The following GPHN variants were observed in gnomAD, a reference collection of about 807,000 sequenced individuals.
The protein encoded by GPHN is gephyrin.
GPHN carries 17 observed loss-of-function variants against 95.5 expected under a neutral mutation model. The observed-to-expected ratio is 0.18, with a 90% CI of 0.12 to 0.27. The LOEUF is 0.27. Ranked by LOEUF, GPHN falls within the 10% of genes least tolerant of loss-of-function variation. The pLI is 1.00. For missense variants in GPHN, 660 were observed against 978.1 expected (o/e 0.67, Z 4.34); for synonymous variants, 320 against 322.5 (o/e 0.99, Z 0.08).
the GPHN span, chr14:67,360,230 C>T: frequency 5.0e-6 from 2 of 400,094 alleles, no homozygotes; most frequent in African/African-American, 2.1e-5. Context: ...CTTCCATGAT[C>T]TACATTCGTC....
chr14:67,049,254 G>A (rs1235092871), intron 10 of GPHN, among the ~76,000 whole-genome samples: 4 of 147,090 alleles, frequency 2.7e-5, no homozygotes, highest in Non-Finnish European at 6.2e-5. Flanking sequence ...TTGAGAGAGA[G>A]TCTCACCGTG....
the GPHN span, chr14:67,224,838 G>C: frequency 3.3e-6 from 1 of 298,638 alleles, no homozygotes; most frequent in Non-Finnish European, 6.2e-6. Context: ...ATCCTAAGCA[G>C]CCAGGTTCAT....
intron 1 of GPHN, among the ~76,000 whole-genome samples, chr14:66,631,030 C>T (rs1331821174): frequency 6.6e-6 from 1 of 151,404 alleles, no homozygotes; most frequent in East Asian, 1.9e-4. Flanking sequence ...TAATTGCAGT[C>T]GTTCTTTTTT....
chr14:67,705,618 G>A, the GPHN span, among the ~76,000 whole-genome samples: 14 of 152,180 alleles, frequency 9.2e-5, no homozygotes, highest in Non-Finnish European at 1.6e-4. Context: ...AAAGCCATTA[G>A]TTTAGTTAGT....
chr14:67,723,352 G>C, the GPHN span, among the ~76,000 whole-genome samples: 1 of 152,154 alleles, frequency 6.6e-6, no homozygotes, highest in Non-Finnish European at 1.5e-5. Context: ...TCCTGCCTCA[G>C]CCTCCCAAGT....
the GPHN span, chr14:67,390,866 A>T: frequency 7.7e-6 from 6 of 775,040 alleles, no homozygotes; most frequent in Admixed American, 1.7e-5. Flanking sequence ...ACTACATTCT[A>T]AAACCAGTCC....
chr14:67,391,480 T>C, the GPHN span, among the ~76,000 whole-genome samples: 9 of 152,088 alleles, frequency 5.9e-5, no homozygotes, highest in African/African-American at 2.2e-4. Flanking sequence ...GGCCTTGGTG[T>C]AGACAGGCAG....
At chr14:66,961,160 G>C (rs2153584815) in intron 8 of GPHN, among the ~76,000 whole-genome samples, 1 of 152,156 alleles carries the variant, frequency 6.6e-6, no homozygotes, top group Admixed American at 6.6e-5. Flanking sequence ...TATTGGAAAT[G>C]TGGACTGTTG....
chr14:67,596,112 C>CT, the GPHN span, among the ~76,000 whole-genome samples: 3 of 151,734 alleles, frequency 2.0e-5, no homozygotes, highest in South Asian at 2.1e-4. Context: ...ATTGTTTTAT[C>CT]TTTTTTCCCA....
the GPHN span, among the ~76,000 whole-genome samples, chr14:67,233,041 T>A: frequency 7.7e-4 from 117 of 152,284 alleles, no homozygotes; most frequent in African/African-American, 2.8e-3. Flanking sequence ...AAGAAAACAG[T>A]ATCTATTTTC....
the GPHN span, among the ~76,000 whole-genome samples, chr14:67,457,561 GCAC>G: frequency 6.6e-6 from 1 of 152,224 alleles, no homozygotes; most frequent in Non-Finnish European, 1.5e-5. Context: ...AGCTAGGATG[GCAC>G]CACTGCACTC....
chr14:66,890,410 CAAAAAAA>C (rs781415190), intron 5 of GPHN, among the ~76,000 whole-genome samples: 3 of 80,020 alleles, frequency 3.7e-5, no homozygotes, highest in Non-Finnish European at 9.3e-5. Flanking sequence ...GACCCTGTCT[CAAAAAAA>C]AAAAAAAAAA....
chr14:67,126,978 C>G (rs1158242878), intron 17 of GPHN, among the ~76,000 whole-genome samples: 2 of 151,840 alleles, frequency 1.3e-5, no homozygotes, highest in African/African-American at 4.8e-5. Flanking sequence ...TGATCATTCT[C>G]AGTAAACTAT....
chr14:67,254,876 C>T, the GPHN span, among the ~76,000 whole-genome samples: 1 of 152,172 alleles, frequency 6.6e-6, no homozygotes, highest in Non-Finnish European at 1.5e-5. Flanking sequence ...TCTGGCCGGG[C>T]GCAGTGGCTC....
At chr14:67,623,091 C>T in the GPHN span, among the ~76,000 whole-genome samples, 1 of 152,246 alleles carries the variant, frequency 6.6e-6, no homozygotes, top group East Asian at 1.9e-4. Flanking sequence ...TTTAATTGTA[C>T]AATTATATCC....
the GPHN span, chr14:67,642,355 A>C: frequency 1.2e-6 from 2 of 1,613,746 alleles, no homozygotes; most frequent in East Asian, 2.2e-5. Flanking sequence ...CACTGGGAGG[A>C]GACCACAGGT....
At chr14:67,284,734 A>G in the GPHN span, among the ~76,000 whole-genome samples, 20 of 151,904 alleles carry the variant, frequency 1.3e-4, no homozygotes, top group African/African-American at 4.8e-4. Flanking sequence ...TATGAATGAA[A>G]TTACATAACA....
intron 2 of GPHN, among the ~76,000 whole-genome samples, chr14:66,705,209 A>G (rs1223842586): frequency 1.3e-5 from 2 of 152,198 alleles, no homozygotes; most frequent in Non-Finnish European, 2.9e-5. Context: ...GGACCAGATG[A>G]ATTCACAGTG....
At chr14:66,823,416 C>T (rs1487349536) in intron 3 of GPHN, 2 of 152,092 alleles carry the variant, frequency 1.3e-5, no homozygotes, top group Non-Finnish European at 2.9e-5. Flanking sequence ...GTTTATGAAA[C>T]CACTTTATAA....
Sources: allele counts gnomAD v4.1 joint callset (sites outside exome capture counted in the v4.1 genomes callset), GRCh38; gene constraint gnomAD v4.1.1; transcripts MANE v1.5; gene names NCBI Gene and HGNC (gene_info 2026-07-23, HGNC 2026-07-21).